NXPH1: variants seen among roughly 807,000 people sequenced by gnomAD.
NXPH1 encodes the protein neurexophilin-1.
In NXPH1, 5 loss-of-function variants were observed where a neutral mutation model predicts 23.7. That is an observed-to-expected ratio of 0.21 (90% CI 0.11 to 0.44). The LOEUF is 0.44. NXPH1 is among the 20% of genes least tolerant of loss of function. The pLI, the probability that NXPH1 is intolerant of heterozygous loss-of-function variation, is 0.99. For missense variants in NXPH1, 324 were observed against 321.6 expected, an observed-to-expected ratio of 1.01 and a Z score of -0.06; for synonymous variants, 144 against 122.2, an observed-to-expected ratio of 1.18 and a Z score of -1.18.
At chr7:8,666,154 A>G (rs1466618351) in intron 2 of NXPH1, among the ~76,000 whole-genome samples, 3 of 151,846 alleles carry the variant, frequency 2.0e-5, no homozygotes, top group African/African-American at 7.2e-5. Flanking sequence ...TCAAGTTTTC[A>G]CCACTGAGTA....
At chr7:8,748,111 G>T (rs1780502015) in intron 2 of NXPH1, among the ~76,000 whole-genome samples, 1 of 152,074 alleles carries the variant, frequency 6.6e-6, no homozygotes, top group South Asian at 2.1e-4. Flanking sequence ...CTCTCCCAAG[G>T]AATATTTTTC....
intron 2 of NXPH1, among the ~76,000 whole-genome samples, chr7:8,601,394 G>GA (rs748300510): frequency 6.6e-6 from 1 of 150,624 alleles, no homozygotes; most frequent in African/African-American, 2.5e-5. Context: ...TGCATTAAGG[G>GA]AAAAAAATGC....
intron 2 of NXPH1, among the ~76,000 whole-genome samples, chr7:8,567,675 A>G (rs1003007562): frequency 2.0e-5 from 3 of 151,914 alleles, no homozygotes; most frequent in Non-Finnish European, 4.4e-5. Flanking sequence ...TTGAGTATTC[A>G]ATGCCACCAG....
At chr7:8,496,340 C>A (rs1408848151) in intron 2 of NXPH1, among the ~76,000 whole-genome samples, 1 of 152,028 alleles carries the variant, frequency 6.6e-6, no homozygotes, top group Non-Finnish European at 1.5e-5. Context: ...CATTGTTTTC[C>A]ATCCAGCTGG....
chr7:8,666,503 T>C (rs370625872), intron 2 of NXPH1, among the ~76,000 whole-genome samples: 1 of 152,080 alleles, frequency 6.6e-6, no homozygotes, highest in African/African-American at 2.4e-5. Flanking sequence ...TCTTTTCTTG[T>C]AGTGGCTTTG....
intron 2 of NXPH1, among the ~76,000 whole-genome samples, chr7:8,462,655 G>T (rs1052773668): frequency 2.6e-5 from 4 of 152,092 alleles, no homozygotes; most frequent in African/African-American, 9.7e-5. Context: ...CAGTTTTATG[G>T]TTTGTATCAG....
chr7:8,533,650 C>A (rs1452534664), intron 2 of NXPH1, among the ~76,000 whole-genome samples: 2 of 152,100 alleles, frequency 1.3e-5, no homozygotes, highest in East Asian at 3.9e-4. Flanking sequence ...TTTTGTACTA[C>A]AAAGAACTGA....
intron 2 of NXPH1, among the ~76,000 whole-genome samples, chr7:8,660,985 C>CACCATTAT (rs60758756): frequency 0.7 from 104,289 of 149,380 alleles, 37,052 homozygotes; most frequent in East Asian, 1. Flanking sequence ...AAGTGGCTAA[C>CACCATTAT]ACATTGCCTT....
intron 2 of NXPH1, among the ~76,000 whole-genome samples, chr7:8,742,589 T>TG (rs1780386193): frequency 8.5e-6 from 1 of 118,070 alleles, no homozygotes; most frequent in Non-Finnish European, 2.0e-5. Context: ...ATATATAATG[T>TG]AATTTATAAA....
At chr7:8,516,598 C>T (rs557315854) in intron 2 of NXPH1, among the ~76,000 whole-genome samples, 38 of 152,164 alleles carry the variant, frequency 2.5e-4, no homozygotes, top group African/African-American at 8.2e-4. Context: ...GTTTTGTCCT[C>T]GAGGAACATA....
rs139349283 is a variant in NXPH1 at position 8,697,157 on chromosome 7, CAAAAAAAAAAA to C, written c.55-53838_55-53828del. 1.2e-4 allele frequency among the ~76,000 whole-genome samples: 13 copies of C among 104,856 alleles called. No individual in the cohort carries two copies. The East Asian group carries it at 1.4e-3, about 11-fold the overall frequency. 68.8% of individuals were successfully genotyped at this position (104,856 alleles called of 152,430 possible). A position where few individuals can be genotyped will look rare whatever the true frequency, so the allele number is the denominator to read the frequency against. The stretch of plus-strand genomic sequence containing the variant: ...TGGGTGACAGGGAAAGATTCTGTTT[CAAAAAAAAAAA>C]AAAAAAAAAAAAGTGAATGATGAAG... On this transcript the variant is annotated intron_variant, in intron 2 of 2. Transcript: ENST00000405863.
chr7:8,744,048 C>G (rs867157828), intron 2 of NXPH1, among the ~76,000 whole-genome samples: 24 of 152,232 alleles, frequency 1.6e-4, no homozygotes, highest in African/African-American at 4.8e-4. Context: ...TCTCTCTAGC[C>G]CCAAACTCAG....
chr7:8,539,827 G>T (rs1818085221), intron 2 of NXPH1, among the ~76,000 whole-genome samples: 1 of 151,780 alleles, frequency 6.6e-6, no homozygotes, highest in East Asian at 2.0e-4. Flanking sequence ...TTCTTACATT[G>T]AGTGCAGGAA....
intron 2 of NXPH1, among the ~76,000 whole-genome samples, chr7:8,718,295 A>G (rs1779910593): frequency 6.6e-6 from 1 of 152,114 alleles, no homozygotes; most frequent in Non-Finnish European, 1.5e-5. Flanking sequence ...TCTGCACTCT[A>G]CTGAAGACCG....
At chr7:8,451,447 A>T (rs1816505723) in intron 2 of NXPH1, among the ~76,000 whole-genome samples, 1 of 152,218 alleles carries the variant, frequency 6.6e-6, no homozygotes, top group South Asian at 2.1e-4. Flanking sequence ...CCTTGAGCTG[A>T]ACAAATTATT....
intron 2 of NXPH1, among the ~76,000 whole-genome samples, chr7:8,745,114 A>G (rs1293465611): frequency 1.3e-5 from 2 of 152,212 alleles, no homozygotes; most frequent in South Asian, 2.1e-4. Flanking sequence ...CCTGCCTTCT[A>G]CAAGTTTTTG....
chr7:8,550,166 T>C (rs1446254561), intron 2 of NXPH1, among the ~76,000 whole-genome samples: 1 of 151,608 alleles, frequency 6.6e-6, no homozygotes, highest in Non-Finnish European at 1.5e-5. Context: ...ACTCTCACTC[T>C]GTCCTTGGCT....
intron 2 of NXPH1, among the ~76,000 whole-genome samples, chr7:8,515,025 G>T (rs1817666303): frequency 6.6e-6 from 1 of 152,098 alleles, no homozygotes; most frequent in Middle Eastern, 3.2e-3. Flanking sequence ...ACAGAGCGTT[G>T]CAGAAAGTGA....
chr7:8,655,482 A>G (rs938111535), intron 2 of NXPH1, among the ~76,000 whole-genome samples: 18 of 117,556 alleles, frequency 1.5e-4, no homozygotes, highest in African/African-American at 5.5e-4. Flanking sequence ...ACACACACAC[A>G]TCAGATATGT....
Sources: gnomAD v4.1 joint callset for allele counts (sites outside exome capture counted in the v4.1 genomes callset) on GRCh38, gnomAD v4.1.1 for gene constraint, MANE v1.5 for transcripts, NCBI Gene and HGNC (gene_info 2026-07-23, HGNC 2026-07-21) for gene names.